Variants in TPO observed in about 807,000 individuals in gnomAD.
TPO encodes thyroid microsomal antigen.
In TPO, 78 loss-of-function variants were observed where a neutral mutation model predicts 96.9. The ratio of observed to expected loss-of-function variants is 0.81; its 90% CI spans 0.67 to 0.97. The LOEUF (loss-of-function observed/expected upper bound fraction) is 0.97, where lower values mean the gene tolerates loss of function less well. Among genes scored for constraint, TPO ranks in the 50% least tolerant of loss-of-function variants. The pLI, the probability that TPO is intolerant of heterozygous loss-of-function variation, is 0.00. For missense variants in TPO, 1,252 were observed against 1,274.8 expected (o/e 0.98, Z 0.27); for synonymous variants, 547 against 538.0 (o/e 1.02, Z -0.23).
upstream of TPO, among the ~76,000 whole-genome samples, chr2:1,410,920 C>G (rs1437726657): frequency 6.6e-6 from 1 of 152,228 alleles, no homozygotes; most frequent in Non-Finnish European, 1.5e-5. Context: ...TCTCTCTGCT[C>G]TCCATTGCTG....
intron 1 of TPO, among the ~76,000 whole-genome samples, chr2:1,387,002 T>C (rs1400396875): frequency 6.6e-6 from 1 of 152,242 alleles, no homozygotes; most frequent in Non-Finnish European, 1.5e-5. Context: ...AAATTCTGGG[T>C]TGAAAATTCT....
At chr2:1,464,738 G>A (rs1346692329) in intron 7 of TPO, among the ~76,000 whole-genome samples, 3 of 152,042 alleles carry the variant, frequency 2.0e-5, no homozygotes, top group African/African-American at 7.2e-5. Context: ...CCCACTTTTT[G>A]ATGGGATTGT....
intron 16 of TPO, chr2:1,542,197 G>T (rs1350013203): frequency 3.2e-6 from 2 of 634,870 alleles, no homozygotes; most frequent in African/African-American, 1.8e-5. Context: ...CTGTGAGTAG[G>T]AACCTTTGCC....
intron 3 of TPO, among the ~76,000 whole-genome samples, chr2:1,432,409 C>T (rs899761073): frequency 3.3e-5 from 5 of 152,200 alleles, no homozygotes; most frequent in Admixed American, 2.6e-4. Context: ...GGATTGGTTC[C>T]GTGTAGCTGC....
intron 6 of TPO, among the ~76,000 whole-genome samples, chr2:1,455,130 C>A (rs1387180991): frequency 2.6e-5 from 4 of 152,178 alleles, no homozygotes; most frequent in Non-Finnish European, 5.9e-5. Context: ...GGAGTCACAT[C>A]TCCACCTCCC....
chr2:1,437,383 G>A (rs1178963052), intron 5 of TPO, among the ~76,000 whole-genome samples: 1 of 152,184 alleles, frequency 6.6e-6, no homozygotes, highest in Non-Finnish European at 1.5e-5. Flanking sequence ...TGCTTAGCAT[G>A]GAAGAACTCC....
intron 15 of TPO, among the ~76,000 whole-genome samples, chr2:1,537,412 TCCCCAAACCC>T (rs1680005297): frequency 9.2e-6 from 1 of 108,838 alleles, no homozygotes; most frequent in Non-Finnish European, 1.9e-5. Flanking sequence ...GTGAGCAACC[TCCCCAAACCC>T]TCCCATTGTG....
At position 1,484,908 on chromosome 2, in the gene TPO, T is replaced by A. The variant is rs1321351487; in HGVS notation, c.1597+54T>A. ...CCCCATGAACTCTTCCTTCTTTTTTTAATTTTTTTAAATTATATTTTAAGT... is the reference window on the plus strand; with the variant it reads ...CCCCATGAACTCTTCCTTCTTTTTTAAATTTTTTTAAATTATATTTTAAGT... On this transcript the variant is annotated intron_variant, in intron 9 of 16. Transcript: ENST00000329066. 78 of 1,603,762 alleles carry A rather than the reference T, an allele frequency of 4.9e-5. 1 individual carries two copies. In the South Asian group the frequency reaches 6.4e-4, roughly 13 times the overall value.
At chr2:1,402,546 G>GA (rs1242077322) in intron 1 of TPO, among the ~76,000 whole-genome samples, 1 of 152,166 alleles carries the variant, frequency 6.6e-6, no homozygotes, top group Non-Finnish European at 1.5e-5. Flanking sequence ...TTATATAAAG[G>GA]AAAAGAGGGT....
intron 14 of TPO, among the ~76,000 whole-genome samples, chr2:1,506,957 C>T (rs1673532511): frequency 6.6e-6 from 1 of 151,856 alleles, no homozygotes; most frequent in African/African-American, 2.4e-5. Flanking sequence ...GAAGTCCTTG[C>T]CCATGCCTAT....
chr2:1,399,079 G>A (rs1662127085), intron 1 of TPO, among the ~76,000 whole-genome samples: 1 of 152,218 alleles, frequency 6.6e-6, no homozygotes, highest in Non-Finnish European at 1.5e-5. Flanking sequence ...CTTCCCTGCA[G>A]GTGCATTTCC....
Position 1,526,957 on chromosome 2 carries a change from ACT to A in TPO, c.2618+9978_2618+9979del, listed in dbSNP as rs1394664931. On this transcript the variant is annotated intron_variant, in intron 15 of 16. Coordinates refer to ENST00000329066, the MANE Select transcript of TPO (RefSeq NM_001206744.2). ...TGTGCAACCTCCACAAATCCCCCAC[ACT>A]CTGTGCAACCTACTCAAATCCCCAC... Among the ~76,000 whole-genome samples, 39 of 108,662 alleles carry A rather than the reference ACT, an allele frequency of 3.6e-4. 1 individual carries two copies. The highest frequency in any genetic ancestry group is 1.5e-3 in the African/African-American group (38 of 26,040). The allele number at this position is 108,662 out of a possible 152,430, so 71.3% of individuals were successfully genotyped here. A position where few individuals can be genotyped will look rare whatever the true frequency, so the allele number is the denominator to read the frequency against.
chr2:1,495,147 T>C (rs1672199108), intron 11 of TPO, among the ~76,000 whole-genome samples: 1 of 152,154 alleles, frequency 6.6e-6, no homozygotes, highest in Non-Finnish European at 1.5e-5. Context: ...GTTCCTAGGG[T>C]GGTGCCCCCA....
chr2:1,494,166 G>T, intron 11 of TPO, 127 bp downstream of exon 11: 1 of 1,007,804 alleles, frequency 9.9e-7, no homozygotes. Context: ...CGTAAGCCTG[G>T]TCAGGTTGTT....
Position 1,516,916 on chromosome 2 carries a change from C to T in TPO, c.2552C>T (p.Ser851Phe). The T allele has an allele frequency of 6.2e-7, 1 of 1,614,006 alleles. No homozygotes were observed. The highest frequency in any genetic ancestry group is 8.5e-7 in the Non-Finnish European group (1 of 1,180,038). The change falls in exon 15 of 17, where the codon TCC (serine) becomes TTC (phenylalanine). Residue 851 changes from serine (S) to phenylalanine (F), a missense_variant. Transcript: ENST00000329066. ...AGGCTCCCTCGGGTGACTTGGATCT[C>T]CATGTCGCTGGCTGCTCTGCTGATC... is the stretch of plus-strand genomic sequence containing the variant. Reference protein sequence around the residue: ...SGRLPRVTWISMSLAALLIGG... With the variant: ...SGRLPRVTWIFMSLAALLIGG...
intron 4 of TPO, among the ~76,000 whole-genome samples, chr2:1,433,853 C>T (rs1299433364): frequency 1.3e-5 from 2 of 152,170 alleles, no homozygotes; most frequent in African/African-American, 4.8e-5. Flanking sequence ...TGAGAAGTAG[C>T]TCAATAAGCT....
At chr2:1,431,732 T>C (rs1215741506) in intron 3 of TPO, among the ~76,000 whole-genome samples, 1 of 152,232 alleles carries the variant, frequency 6.6e-6, no homozygotes, top group Non-Finnish European at 1.5e-5. Flanking sequence ...CCTAAAACTT[T>C]ATTTTCACTC....
intron 5 of TPO, chr2:1,438,939 T>C: frequency 1.4e-6 from 1 of 698,604 alleles, no homozygotes; most frequent in Non-Finnish European, 2.6e-6. Context: ...TCCAATGACG[T>C]CTACATCCAC....
chr2:1,448,340 C>A (rs114397371), intron 5 of TPO, among the ~76,000 whole-genome samples: 1 of 152,178 alleles, frequency 6.6e-6, no homozygotes, highest in African/African-American at 2.4e-5. Flanking sequence ...ATGTCAGGTC[C>A]GCCTCCTTTC....
Sources: allele counts gnomAD v4.1 joint callset (sites outside exome capture counted in the v4.1 genomes callset), GRCh38; gene constraint gnomAD v4.1.1; transcripts MANE v1.5; gene names NCBI Gene and HGNC (gene_info 2026-07-23, HGNC 2026-07-21).